The following MGAM2 variants were observed in gnomAD, a reference collection of about 807,000 sequenced individuals.
MGAM2 encodes the protein probable maltase-glucoamylase 2.
MGAM2 carries 98 observed loss-of-function variants against 96.1 expected under a neutral mutation model. The ratio of observed to expected loss-of-function variants is 1.02; its 90% CI spans 0.87 to 1.21. MGAM2 has a LOEUF of 1.21. Ranked by LOEUF, MGAM2 falls within the 50% of genes most tolerant of loss-of-function variation. MGAM2 has a pLI of 0.00. For missense variants in MGAM2, 2,055 were observed against 1,182.4 expected, an observed-to-expected ratio of 1.74 and a Z score of -10.82; for synonymous variants, 749 against 414.8, an observed-to-expected ratio of 1.81 and a Z score of -9.79.
At chr7:142,216,782 T>C (rs1372185740) in intron 46 of MGAM2, among the ~76,000 whole-genome samples, 3 of 152,258 alleles carry the variant, frequency 2.0e-5, no homozygotes, top group Admixed American at 6.5e-5. Flanking sequence ...TCCTTCATGA[T>C]GCCAATTGAA....
intron 27 of MGAM2, 136 bp downstream of exon 27, chr7:142,170,365 C>A: frequency 2.1e-6 from 1 of 484,702 alleles, no homozygotes; most frequent in South Asian, 3.9e-5. Context: ...ATCTATTTTT[C>A]CCATGCTTTA....
At chr7:142,178,877 T>C (rs887033707) in intron 32 of MGAM2, among the ~76,000 whole-genome samples, 1 of 152,136 alleles carries the variant, frequency 6.6e-6, no homozygotes, top group Non-Finnish European at 1.5e-5. Context: ...ATTGTAATGA[T>C]GTTAATTCTT....
intron 45 of MGAM2, among the ~76,000 whole-genome samples, chr7:142,205,794 G>A (rs932346214): frequency 1.3e-5 from 2 of 152,056 alleles, no homozygotes; most frequent in African/African-American, 4.8e-5. Flanking sequence ...TTTTGATGAA[G>A]TCTAATTTAT....
At position 142,174,715 on chromosome 7, in the gene MGAM2, C is replaced by CTTTTTTTTTTTT. The variant is rs34480300; in HGVS notation, c.3688-930_3688-919dup. ...ATGCCCTTTATTTCTCTCTCTCTCTCTTTTTTTTTTTTTTTTTTGAGTTGG... is the reference window on the plus strand; with the variant it reads ...ATGCCCTTTATTTCTCTCTCTCTCTCTTTTTTTTTTTTTTTTTTTTTTTTTTTTTTGAGTTGG... On this transcript the variant is annotated intron_variant, in intron 31 of 47. Coordinates refer to ENST00000477922, the MANE Select transcript of MGAM2 (RefSeq NM_001293626.2). Among the ~76,000 whole-genome samples, 527 of 85,408 alleles carry CTTTTTTTTTTTT rather than the reference C, an allele frequency of 6.2e-3. 83 individuals carry two copies. Among genetic ancestry groups the CTTTTTTTTTTTT allele is most frequent in the East Asian group, 0.048 (114 of 2,378 alleles). The allele number at this position is 85,408 out of a possible 152,430, so 56.0% of individuals were successfully genotyped here.
intron 7 of MGAM2, among the ~76,000 whole-genome samples, chr7:142,134,629 C>T (rs928863916): frequency 2.0e-5 from 3 of 152,048 alleles, no homozygotes; most frequent in Non-Finnish European, 4.4e-5. Context: ...GTTAAAAATG[C>T]AGAATCTCAG....
intron 37 of MGAM2, among the ~76,000 whole-genome samples, chr7:142,190,564 G>A (rs56026542): frequency 1.3e-5 from 2 of 151,984 alleles, no homozygotes; most frequent in African/African-American, 4.8e-5. Flanking sequence ...ATGAGCCATC[G>A]CACCCAGCCT....
chr7:142,200,179 G>T (rs554172909), intron 45 of MGAM2, among the ~76,000 whole-genome samples: 7 of 152,264 alleles, frequency 4.6e-5, no homozygotes, highest in African/African-American at 1.7e-4. Flanking sequence ...TGTAGGTTCA[G>T]AAACTTGCTG....
chr7:142,162,086 T>C (rs1249436142), intron 23 of MGAM2, 82 bp downstream of exon 23: 3 of 597,886 alleles, frequency 5.0e-6, no homozygotes, highest in Non-Finnish European at 5.9e-6. Flanking sequence ...TATAGACACA[T>C]GGTTATGTGC....
At position 142,189,463 on chromosome 7, in the gene MGAM2, T is replaced by A; in HGVS notation, c.4304T>A (p.Val1435Glu). The stretch of plus-strand genomic sequence containing the variant: ...AGCTCCCCCGTGGAGCACTACAACG[T>A]GCACAACCTGTACGGGTGGTCCCAG... ...PDSSPVEHYN[V>E]HNLYGWSQTR... is the part of the protein sequence containing the mutation. The change falls in exon 37 of 48, where the codon GTG (valine) becomes GAG (glutamate). Residue 1435 changes from valine to glutamate, a missense_variant. Transcript: ENST00000477922. 1 of 854,494 alleles carries A rather than the reference T, an allele frequency of 1.2e-6. No individual in the cohort carries two copies. Among genetic ancestry groups the A allele is most frequent in the Non-Finnish European group, 2.0e-6 (1 of 511,258 alleles). 52.9% of individuals were successfully genotyped at this position (854,494 alleles called of 1,614,324 possible).
At chr7:142,149,627 G>A (rs1373428106) in intron 15 of MGAM2, among the ~76,000 whole-genome samples, 4 of 151,576 alleles carry the variant, frequency 2.6e-5, no homozygotes, top group East Asian at 2.0e-4. Context: ...TGCAAGCTCC[G>A]CCTCCTGGGT....
intron 47 of MGAM2, 48 bp from the exon 48 acceptor site, chr7:142,219,822 G>A (rs1295100612): frequency 6.3e-6 from 4 of 639,568 alleles, no homozygotes; most frequent in Non-Finnish European, 1.1e-5. Flanking sequence ...TACATGTGAG[G>A]TTTAAGAAGT....
Position 142,154,814 on chromosome 7 carries a change from T to C in MGAM2, c.1892T>C (p.Leu631Pro), listed in dbSNP as rs1321818991. ...ATGCAGCTTGGAGCATTTTATCCACTACCAAGGAATCACAATGGGCCTGGG... is the reference window on the plus strand; with the variant it reads ...ATGCAGCTTGGAGCATTTTATCCACCACCAAGGAATCACAATGGGCCTGGG... ...RWMQLGAFYP[L>P]PRNHNGPGFR... The change falls in exon 17 of 48, where the codon CTA becomes CCA. Residue 631 changes from leucine (L) to proline (P), a missense_variant. Transcript: ENST00000477922. 1.4e-6 allele frequency: 1 copy of C among 703,562 alleles called. No homozygotes were observed. The highest frequency in any genetic ancestry group is 2.7e-5 in the East Asian group (1 of 37,294). The allele number at this position is 703,562 out of a possible 1,614,324, so 43.6% of individuals were successfully genotyped here. A position where few individuals can be genotyped will look rare whatever the true frequency, so the allele number is the denominator to read the frequency against.
intron 3 of MGAM2, among the ~76,000 whole-genome samples, chr7:142,124,954 G>C (rs1031740690): frequency 6.6e-6 from 1 of 151,562 alleles, no homozygotes; most frequent in Admixed American, 6.6e-5. Context: ...GTTTTTTTCT[G>C]ACATGATAAT....
At chr7:142,208,407 G>T in intron 45 of MGAM2, 166 bp from the exon 46 acceptor site, 1 of 655,960 alleles carries the variant, frequency 1.5e-6, no homozygotes, top group South Asian at 1.7e-5. Flanking sequence ...ACACTAACAT[G>T]CAGTGAAATA....
chr7:142,160,959 C>T (rs895554523), intron 21 of MGAM2, among the ~76,000 whole-genome samples, 166 bp from the exon 22 acceptor site: 16 of 152,120 alleles, frequency 1.1e-4, no homozygotes, highest in Admixed American at 2.0e-4. Flanking sequence ...CTATCAACCC[C>T]TGCTGCCTGC....
At chr7:142,169,437 A>T (rs375338182) in intron 26 of MGAM2, among the ~76,000 whole-genome samples, 7 of 152,152 alleles carry the variant, frequency 4.6e-5, no homozygotes, top group Non-Finnish European at 1.0e-4. Context: ...AAAATAAAAA[A>T]AAAGAAAGAA....
chr7:142,146,577 C>T (rs983186532), intron 14 of MGAM2, among the ~76,000 whole-genome samples: 4 of 152,066 alleles, frequency 2.6e-5, no homozygotes, highest in South Asian at 2.1e-4. Context: ...AGATACGGCC[C>T]CAGTGAAGAG....
chr7:142,126,949 A>G (rs1794748378), intron 3 of MGAM2, among the ~76,000 whole-genome samples: 1 of 152,184 alleles, frequency 6.6e-6, no homozygotes, highest in East Asian at 1.9e-4. Flanking sequence ...ATGCACTTAA[A>G]TTTAGTTTAT....
intron 47 of MGAM2, among the ~76,000 whole-genome samples, chr7:142,219,067 G>A (rs1006198033): frequency 6.6e-6 from 1 of 152,102 alleles, no homozygotes; most frequent in Non-Finnish European, 1.5e-5. Context: ...TAAATAGCAG[G>A]CCCTACTAGA....
Sources: gnomAD v4.1 joint callset for allele counts (sites outside exome capture counted in the v4.1 genomes callset) on GRCh38, gnomAD v4.1.1 for gene constraint, MANE v1.5 for transcripts, NCBI Gene and HGNC (gene_info 2026-07-23, HGNC 2026-07-21) for gene names.